The following STIL variants were observed in gnomAD, a reference collection of about 807,000 sequenced individuals.
The protein encoded by STIL is SCL-interrupting locus protein.
Under a neutral mutation model 110.1 loss-of-function variants are expected in STIL, and 55 were observed. The ratio of observed to expected loss-of-function variants is 0.50; its 90% confidence interval spans 0.40 to 0.63. The LOEUF is 0.63. STIL is among the 20% of genes least tolerant of loss of function. STIL has a pLI of 0.00. For missense variants in STIL, 1,358 were observed against 1,530.0 expected, an observed-to-expected ratio of 0.89 and a Z score of 1.87; for synonymous variants, 481 against 530.0, an observed-to-expected ratio of 0.91 and a Z score of 1.27.
chr1:47,282,674 G>A (rs1228819618), intron 10 of STIL: 5 of 506,100 alleles, frequency 9.9e-6, no homozygotes, highest in African/African-American at 7.7e-5. Context: ...TTTACCTGAT[G>A]ATAGCAAGTT....
At chr1:47,275,630 A>AT (rs10700108) in intron 12 of STIL, among the ~76,000 whole-genome samples, 7,098 of 146,908 alleles carry the variant, frequency 0.048, 542 homozygotes, top group African/African-American at 0.16. Context: ...AATAAATAAG[A>AT]TTTTTTTTTT....
At chr1:47,285,176 C>G (rs1330181967) in intron 10 of STIL, among the ~76,000 whole-genome samples, 1 of 152,140 alleles carries the variant, frequency 6.6e-6, no homozygotes, top group Non-Finnish European at 1.5e-5. Context: ...CATGTGCCAC[C>G]ACAACCAGCT....
intron 14 of STIL, among the ~76,000 whole-genome samples, chr1:47,263,368 C>A (rs577732534): frequency 6.6e-6 from 1 of 152,068 alleles, no homozygotes; most frequent in Non-Finnish European, 1.5e-5. Flanking sequence ...TATATCGAGA[C>A]CCCATCTCCA....
At chr1:47,292,152 A>G (rs3125626) in intron 8 of STIL, among the ~76,000 whole-genome samples, 148,462 of 152,044 alleles carry the variant, frequency 0.98, 72,579 homozygotes, top group Non-Finnish European at 1. Context: ...TTACAGACAT[A>G]AGACACCATG....
At chr1:47,297,748 T>C (rs906403611) in intron 6 of STIL, among the ~76,000 whole-genome samples, 2 of 152,024 alleles carry the variant, frequency 1.3e-5, no homozygotes, top group Admixed American at 1.3e-4. Flanking sequence ...TCAATGTACC[T>C]GGCATGGCAA....
chr1:47,272,756 G>A (rs758483109), intron 12 of STIL, among the ~76,000 whole-genome samples: 3 of 152,092 alleles, frequency 2.0e-5, no homozygotes, highest in Admixed American at 1.3e-4. Context: ...CTTAGTATTC[G>A]TAAGTTGATA....
intron 14 of STIL, among the ~76,000 whole-genome samples, chr1:47,265,380 C>T (rs1644618572): frequency 6.6e-6 from 1 of 151,978 alleles, no homozygotes; most frequent in Admixed American, 6.6e-5. Context: ...TCCTCTTTGT[C>T]CTCAGTTTCT....
rs796462906 is a variant in STIL at position 47,310,320 on chromosome 1, G to A, written c.-1C>T. The A allele has an allele frequency of 3.7e-6, 6 of 1,612,472 alleles. No individual in the cohort carries two copies. Among genetic ancestry groups the A allele is most frequent in the Non-Finnish European group, 5.1e-6 (6 of 1,179,198 alleles). ...GTGCAAAAGGATATATAGGCTCCAT[G>A]ATGTCTGGTGAATGATTTCTTTAAT... On this transcript the variant is annotated 5_prime_UTR_variant, in exon 2 of 17. Coordinates refer to ENST00000371877, the MANE Select transcript of STIL (RefSeq NM_001048166.1).
chr1:47,260,600 T>C (rs1184558411), intron 15 of STIL, 61 bp from the exon 16 acceptor site: 1 of 1,562,024 alleles, frequency 6.4e-7, no homozygotes, highest in Non-Finnish European at 8.8e-7. Flanking sequence ...GGGCTGGGTG[T>C]GGTGGTTCAC....
intron 16 of STIL, among the ~76,000 whole-genome samples, chr1:47,253,927 C>A (rs1390428352): frequency 1.3e-5 from 2 of 151,986 alleles, no homozygotes; most frequent in Non-Finnish European, 2.9e-5. Flanking sequence ...GCCTGTAATC[C>A]CAGCACTTTG....
chr1:47,278,841 A>T (rs1645064936), intron 12 of STIL, among the ~76,000 whole-genome samples: 1 of 152,108 alleles, frequency 6.6e-6, no homozygotes, highest in South Asian at 2.1e-4. Context: ...TATACTTTAC[A>T]ATTTCAAAGA....
At chr1:47,288,217 G>A (rs369477854) in intron 9 of STIL, among the ~76,000 whole-genome samples, 58 of 151,476 alleles carry the variant, frequency 3.8e-4, no homozygotes, top group African/African-American at 1.4e-3. Context: ...ATTAGTCTGA[G>A]ACCTAAAATA....
At chr1:47,275,130 A>G (rs1200335666) in intron 12 of STIL, among the ~76,000 whole-genome samples, 1 of 137,462 alleles carries the variant, frequency 7.3e-6, no homozygotes, top group Non-Finnish European at 1.6e-5. Flanking sequence ...TGGGTTACAG[A>G]GCAAGACTCT....
In STIL at chr1:47,280,410, G is replaced by A. The variant is rs780910950; in HGVS notation, c.2048C>T (p.Ser683Leu). ...ATGTGAAGGCGGTCTTGCCACAGGC[G>A]ATGGTTCAATATTGCTGTGGGGAGA... ...SCSPHSNIEPSPVARPPSHMD... is the reference protein window; with the variant it reads ...SCSPHSNIEPLPVARPPSHMD... Residue 683 changes from serine to leucine, a missense_variant, in exon 12 of 17, where the codon TCG becomes TTG. Ser to Leu is a moderately radical substitution (Grantham distance 145, BLOSUM62 -2). Coordinates refer to ENST00000371877, the MANE Select transcript of STIL (RefSeq NM_001048166.1). The A allele has an allele frequency of 1.4e-5, 22 of 1,614,116 alleles. No homozygotes were observed. Among genetic ancestry groups the A allele is most frequent in the East Asian group, 1.3e-4 (6 of 44,902 alleles).
chr1:47,260,925 A>T (rs1057473875), intron 15 of STIL, among the ~76,000 whole-genome samples: 1 of 152,212 alleles, frequency 6.6e-6, no homozygotes, highest in Non-Finnish European at 1.5e-5. Flanking sequence ...TAATGATACA[A>T]CAAGGCCAGG....
rs1644154479 is a variant in STIL at position 47,250,405 on chromosome 1, A to G, written c.*731T>C. 2 of 171,956 alleles carry G rather than the reference A, an allele frequency of 1.2e-5. No individual in the cohort carries two copies. The highest frequency in any genetic ancestry group is 2.1e-4 in the East Asian group (2 of 9,570). 10.7% of individuals were successfully genotyped at this position (171,956 alleles called of 1,614,324 possible). ...AGTTTTTATTAAGTTGTTTTTAAAA[A>G]TAACTTTTCCCTTAAACTTAGGAAG... On this transcript the variant is annotated 3_prime_UTR_variant, in exon 17 of 17. Coordinates refer to ENST00000371877, the MANE Select transcript of STIL (RefSeq NM_001048166.1).
intron 15 of STIL, among the ~76,000 whole-genome samples, chr1:47,260,963 A>C (rs144282579): frequency 6.6e-6 from 1 of 152,252 alleles, no homozygotes. Flanking sequence ...CAAATTCCAC[A>C]AAGTATCAAG....
chr1:47,269,581 C>G, intron 14 of STIL, 54 bp downstream of exon 14: 1 of 1,446,758 alleles, frequency 6.9e-7, no homozygotes, highest in Non-Finnish European at 9.6e-7. Context: ...ATTTGTCTAT[C>G]AAAAAAAATT....
chr1:47,256,856 T>C (rs763917764), intron 16 of STIL, among the ~76,000 whole-genome samples: 7 of 151,870 alleles, frequency 4.6e-5, no homozygotes, highest in Non-Finnish European at 1.0e-4. Flanking sequence ...TAGCCGGGCA[T>C]GGTGGCGCAT....
Sources: gnomAD v4.1 joint callset for allele counts (sites outside exome capture counted in the v4.1 genomes callset) on GRCh38, gnomAD v4.1.1 for gene constraint, MANE v1.5 for transcripts, NCBI Gene and HGNC (gene_info 2026-07-23, HGNC 2026-07-21) for gene names.